Variants in PCDHGA7 observed in about 807,000 individuals in gnomAD.
The protein encoded by PCDHGA7 is protocadherin gamma subfamily A, 7, also known as protocadherin gamma-A7.
A neutral mutation model predicts 58.3 loss-of-function variants in PCDHGA7; 44 were observed. The ratio of observed to expected loss-of-function variants is 0.75; its 90% confidence interval spans 0.59 to 0.97. The LOEUF is 0.97. PCDHGA7 is among the 50% of genes least tolerant of loss of function. PCDHGA7 has a pLI of 0.00. For missense variants in PCDHGA7, 1,266 were observed against 1,188.7 expected (o/e 1.06, Z -0.96); for synonymous variants, 516 against 504.2 (o/e 1.02, Z -0.31).
intron 1 of PCDHGA7, chr5:141,415,739 G>GT (rs1561759437): frequency 3.9e-5 from 17 of 435,138 alleles, no homozygotes; most frequent in African/African-American, 2.3e-4. Flanking sequence ...TGTTTATTAA[G>GT]GTTTTTTTTT....
At chr5:141,415,024 G>C in intron 1 of PCDHGA7, 1 of 1,613,568 alleles carries the variant, frequency 6.2e-7, no homozygotes, top group Non-Finnish European at 8.5e-7. Flanking sequence ...CAAGGCCAGC[G>C]AGCCGGGACT....
chr5:141,439,115 C>A (rs2098087976), intron 1 of PCDHGA7, among the ~76,000 whole-genome samples: 1 of 151,476 alleles, frequency 6.6e-6, no homozygotes, highest in Non-Finnish European at 1.5e-5. Context: ...ATCACTTGAA[C>A]CCGGGAGACA....
Position 141,383,123 on chromosome 5 carries a change from T to C in PCDHGA7, c.224T>C (p.Phe75Ser). 6.2e-7 allele frequency: 1 copy of C among 1,614,066 alleles called. No homozygotes were observed. The highest frequency in any genetic ancestry group is 8.5e-7 in the Non-Finnish European group (1 of 1,179,980). Residue 75 changes from phenylalanine to serine, a missense_variant, in exon 1 of 4, where the codon TTC (phenylalanine) becomes TCC (serine). Coordinates refer to ENST00000518325, the MANE Select transcript of PCDHGA7 (RefSeq NM_018920.4). Reference protein sequence around the residue: ...RIISRGRTQLFALNQRSGSLV... With the variant: ...RIISRGRTQLSALNQRSGSLV... The stretch of plus-strand genomic sequence containing the variant: ...ATCTCCAGAGGTAGGACGCAGCTTT[T>C]CGCCCTGAACCAGCGCAGCGGCAGC...
intron 1 of PCDHGA7, chr5:141,422,637 C>T (rs980166515): frequency 8.7e-5 from 141 of 1,612,568 alleles, no homozygotes; most frequent in Non-Finnish European, 1.2e-4. Flanking sequence ...CCAGGGGTGC[C>T]TCCATCTTCT....
chr5:141,385,108 A>G lies in PCDHGA7; in HGVS notation c.2209A>G (p.Thr737Ala). The G allele has an allele frequency of 1.9e-6, 3 of 1,614,126 alleles. No individual in the cohort carries two copies. The change falls in exon 1 of 4, where the codon ACC (threonine) becomes GCC (alanine). Residue 737 changes from threonine to alanine, a missense_variant. By Grantham distance (58) the Thr-to-Ala change is moderately conservative. Transcript: ENST00000518325. The stretch of plus-strand genomic sequence containing the variant: ...AGAAGGTGGCTTGGCGAACGTGCCC[A>G]CCTCGCACTTTGTGGGCATGGACGG... ...ASEGGLANVP[T>A]SHFVGMDGVQ...
intron 1 of PCDHGA7, chr5:141,419,601 C>T (rs753678898): frequency 6.2e-7 from 1 of 1,611,818 alleles, no homozygotes; most frequent in South Asian, 1.1e-5. Context: ...GTGCCGCGGG[C>T]CGCGCAGCCA....
At chr5:141,457,094 C>T (rs2098908295) in intron 1 of PCDHGA7, among the ~76,000 whole-genome samples, 1 of 152,154 alleles carries the variant, frequency 6.6e-6, no homozygotes, top group Non-Finnish European at 1.5e-5. Context: ...TATAAGGATA[C>T]TAATTAAGCA....
At chr5:141,394,306 G>T in intron 1 of PCDHGA7, 1 of 1,613,958 alleles carries the variant, frequency 6.2e-7, no homozygotes, top group Non-Finnish European at 8.5e-7. Context: ...ACGCTGCAGG[G>T]GGCGCCCCTG....
At chr5:141,482,957 C>A (rs2099575063) in intron 1 of PCDHGA7, among the ~76,000 whole-genome samples, 2 of 57,944 alleles carry the variant, frequency 3.5e-5, no homozygotes, top group Admixed American at 1.5e-4. Context: ...CCTGTAATTC[C>A]AGCTACTTGA....
chr5:141,389,442 C>T, intron 1 of PCDHGA7: 2 of 1,610,586 alleles, frequency 1.2e-6, no homozygotes, highest in Non-Finnish European at 1.7e-6. Context: ...CGCCTTCGAC[C>T]ACGAGCAGCT....
At position 141,476,456 on chromosome 5, in the gene PCDHGA7, A is replaced by C; in HGVS notation, c.2425-18351A>C. The C allele has an allele frequency of 6.2e-7, 1 of 1,614,058 alleles. No homozygotes were observed. Among genetic ancestry groups the C allele is most frequent in the Non-Finnish European group, 8.5e-7 (1 of 1,180,010 alleles). On this transcript the variant is annotated intron_variant, in intron 1 of 3. Transcript: ENST00000518325. The surrounding 1 kb of genome is among the most constrained non-coding windows in gnomAD (Gnocchi z 7.6). ...TGTAACTCTGGAGTTGGTAGTGGAGAACCCGCTGGAGCTGTTCAGCGTGGA... is the reference window on the plus strand; with the variant it reads ...TGTAACTCTGGAGTTGGTAGTGGAGCACCCGCTGGAGCTGTTCAGCGTGGA...
chr5:141,430,949 GT>G (rs1391027030), intron 1 of PCDHGA7: 5 of 1,610,510 alleles, frequency 3.1e-6, no homozygotes, highest in Non-Finnish European at 4.2e-6. Flanking sequence ...GGAGCGCGGA[GT>G]CCGCATCATC....
At chr5:141,458,496 A>G (rs905073741) in intron 1 of PCDHGA7, among the ~76,000 whole-genome samples, 1 of 151,694 alleles carries the variant, frequency 6.6e-6, no homozygotes, top group Non-Finnish European at 1.5e-5. Flanking sequence ...CTGCCTGTAC[A>G]TACTGTTTGA....
chr5:141,491,227 C>T lies in PCDHGA7; in HGVS notation c.2425-3580C>T. 6.2e-7 allele frequency: 1 copy of T among 1,614,216 alleles called. No homozygotes were observed. The highest frequency in any genetic ancestry group is 8.5e-7 in the Non-Finnish European group (1 of 1,180,018). On this transcript the variant is annotated intron_variant, in intron 1 of 3. Coordinates refer to ENST00000518325, the MANE Select transcript of PCDHGA7 (RefSeq NM_018920.4). The surrounding 1 kb of genome is among the most constrained non-coding windows in gnomAD (Gnocchi z 6.9). Reference sequence around the variant, plus strand: ...TTCACTCTCCTCCACAGCCACAGTGCTGCTGGTTCTGGAGGATGAGGACCC... The same window carrying T: ...TTCACTCTCCTCCACAGCCACAGTGTTGCTGGTTCTGGAGGATGAGGACCC...
chr5:141,477,845 GT>G lies in PCDHGA7; in HGVS notation c.2425-16961del, dbSNP rs1562065234. ...ATATCCTCGGCCAGGTGGGAGCTCG[GT>G]GGAGATGCTGCCTCGAGGTACCTCA... is the stretch of plus-strand genomic sequence containing the variant. On this transcript the variant is annotated intron_variant, in intron 1 of 3. Coordinates refer to ENST00000518325, the MANE Select transcript of PCDHGA7 (RefSeq NM_018920.4). This position sits in a 1 kb window ranked among gnomAD's most constrained non-coding sequence, Gnocchi z 4.9. 1 of 1,614,038 alleles carries G rather than the reference GT, an allele frequency of 6.2e-7. No homozygotes were observed. Among genetic ancestry groups the G allele is most frequent in the East Asian group, 2.2e-5 (1 of 44,896 alleles).
chr5:141,401,537 A>G (rs188857820), intron 1 of PCDHGA7, among the ~76,000 whole-genome samples: 56 of 152,362 alleles, frequency 3.7e-4, no homozygotes, highest in Non-Finnish European at 7.5e-4. Context: ...AACTTACAAA[A>G]AAAAGGAAAT....
Position 141,491,900 on chromosome 5 carries a change from G to T in PCDHGA7, c.2425-2907G>T. The T allele has an allele frequency of 7.0e-7, 1 of 1,429,936 alleles. No homozygotes were observed. The highest frequency in any genetic ancestry group is 1.5e-5 in the South Asian group (1 of 67,072). 88.6% of individuals were successfully genotyped at this position (1,429,936 alleles called of 1,614,324 possible). A position where few individuals can be genotyped will look rare whatever the true frequency, so the allele number is the denominator to read the frequency against. ...TAAGGGATGGGGCTCCGAGCACCGG[G>T]GGTGGTGGCGACTGTGGGCGAGGGG... On this transcript the variant is annotated intron_variant, in intron 1 of 3. Transcript: ENST00000518325. This position sits in a 1 kb window ranked among gnomAD's most constrained non-coding sequence, Gnocchi z 6.9.
At position 141,489,585 on chromosome 5, in the gene PCDHGA7, G is replaced by A; in HGVS notation, c.2425-5222G>A. 3 of 1,614,090 alleles carry A rather than the reference G, an allele frequency of 1.9e-6. No individual in the cohort carries two copies. Among genetic ancestry groups the A allele is most frequent in the Non-Finnish European group, 2.5e-6 (3 of 1,180,004 alleles). The stretch of plus-strand genomic sequence containing the variant: ...AGGTGGTGACTGAACACCCCCTGGA[G>A]CTAATCCGTGTAGAGGTAGAGATCC... On this transcript the variant is annotated intron_variant, in intron 1 of 3. Coordinates refer to ENST00000518325, the MANE Select transcript of PCDHGA7 (RefSeq NM_018920.4). The surrounding 1 kb of genome is among the most constrained non-coding windows in gnomAD (Gnocchi z 4.5).
chr5:141,403,598 G>A (rs2094431142), intron 1 of PCDHGA7: 1 of 1,613,702 alleles, frequency 6.2e-7, no homozygotes, highest in Non-Finnish European at 8.5e-7. Flanking sequence ...CACGGCCTCG[G>A]ATGGCGGCGA....
Sources: gnomAD v4.1 joint callset for allele counts (sites outside exome capture counted in the v4.1 genomes callset) on GRCh38, gnomAD v4.1.1 for gene constraint, Gnocchi (gnomAD v3.1) non-coding constraint, MANE v1.5 for transcripts, NCBI Gene and HGNC (gene_info 2026-07-23, HGNC 2026-07-21) for gene names.